Variants in KCNQ5 observed in about 807,000 individuals in gnomAD.
KCNQ5 encodes the protein potassium voltage-gated channel subfamily KQT member 5.
KCNQ5 carries 30 observed loss-of-function variants against 98.2 expected under a neutral mutation model. The observed-to-expected ratio is 0.31, with a 90% CI of 0.23 to 0.41. The LOEUF is 0.41. KCNQ5 is among the 10% of genes least tolerant of loss of function. KCNQ5 has a pLI of 1.00. For missense variants in KCNQ5, 835 were observed against 1,182.5 expected (o/e 0.71, Z 4.31); for synonymous variants, 458 against 449.4 (o/e 1.02, Z -0.24).
chr6:73,146,142 T>G (rs1194232991), intron 10 of KCNQ5, among the ~76,000 whole-genome samples: 2 of 152,240 alleles, frequency 1.3e-5, no homozygotes, highest in African/African-American at 4.8e-5. Context: ...AGATTTGTGA[T>G]TCTGCAATTT....
chr6:72,864,515 A>G lies in KCNQ5; in HGVS notation c.399-139393A>G, dbSNP rs73753203. The stretch of plus-strand genomic sequence containing the variant: ...TTATCTCATTTTCCCCCACTGTGGA[A>G]TTAGCCTGGTTATTGGCAAAACACT... On this transcript the variant is annotated intron_variant, in intron 1 of 13. Transcript: ENST00000370398. Among the ~76,000 whole-genome samples the G allele has an allele frequency of 2.5e-3, 376 of 152,318 alleles. 2 individuals are homozygous for G. Among genetic ancestry groups the G allele is most frequent in the African/African-American group, 8.4e-3 (351 of 41,580 alleles).
At chr6:72,801,673 C>T (rs6939984) in intron 1 of KCNQ5, among the ~76,000 whole-genome samples, 105,014 of 143,424 alleles carry the variant, frequency 0.73, 39,533 homozygotes, top group African/African-American at 0.92. Context: ...GTCATTATGA[C>T]GTTAGCTGGT....
chr6:72,701,341 A>T (rs1012141407), intron 1 of KCNQ5, among the ~76,000 whole-genome samples: 6 of 152,202 alleles, frequency 3.9e-5, no homozygotes, highest in African/African-American at 7.2e-5. Context: ...AACAAACTCC[A>T]CTTGGTTTAA....
chr6:72,841,942 GT>G (rs1423233837), intron 1 of KCNQ5, among the ~76,000 whole-genome samples: 1 of 152,178 alleles, frequency 6.6e-6, no homozygotes, highest in Non-Finnish European at 1.5e-5. Flanking sequence ...ATGAATCTTG[GT>G]TGTCAAGGGG....
intron 1 of KCNQ5, among the ~76,000 whole-genome samples, chr6:72,939,526 C>G (rs2150237721): frequency 6.6e-6 from 1 of 152,316 alleles, no homozygotes; most frequent in Non-Finnish European, 1.5e-5. Context: ...ACAAACAGGT[C>G]CTCCTTGGAG....
intron 2 of KCNQ5, among the ~76,000 whole-genome samples, chr6:73,031,609 A>G (rs1158233996): frequency 6.6e-6 from 1 of 152,238 alleles, no homozygotes; most frequent in Non-Finnish European, 1.5e-5. Flanking sequence ...ACCAGCACTC[A>G]GCAGAATTTC....
chr6:73,139,483 G>A (rs1417366308), intron 10 of KCNQ5, among the ~76,000 whole-genome samples: 1 of 152,148 alleles, frequency 6.6e-6, no homozygotes, highest in Non-Finnish European at 1.5e-5. Context: ...GTGAGGGTAA[G>A]GAGTCAGCAT....
chr6:72,803,683 G>T (rs1475203611), intron 1 of KCNQ5, among the ~76,000 whole-genome samples: 1 of 152,104 alleles, frequency 6.6e-6, no homozygotes, highest in Non-Finnish European at 1.5e-5. Flanking sequence ...CATCACCCTA[G>T]AAAGTATTAG....
intron 5 of KCNQ5, among the ~76,000 whole-genome samples, chr6:73,079,063 A>T (rs1773654078): frequency 6.6e-6 from 1 of 152,170 alleles, no homozygotes; most frequent in African/African-American, 2.4e-5. Flanking sequence ...GCACTTTGGG[A>T]GGCTAAGGCG....
chr6:72,735,362 T>G (rs1378065979), intron 1 of KCNQ5, among the ~76,000 whole-genome samples: 1 of 152,202 alleles, frequency 6.6e-6, no homozygotes, highest in Non-Finnish European at 1.5e-5. Context: ...TTGAAGACAT[T>G]ATTTGCATTT....
intron 1 of KCNQ5, chr6:72,986,261 A>C (rs1768771132): frequency 4.4e-6 from 1 of 229,864 alleles, no homozygotes; most frequent in African/African-American, 2.3e-5. Flanking sequence ...GAACATATAC[A>C]CCACGGAATA....
chr6:72,797,435 G>T (rs1377676719), intron 1 of KCNQ5, among the ~76,000 whole-genome samples: 2 of 150,888 alleles, frequency 1.3e-5, no homozygotes, highest in African/African-American at 4.9e-5. Flanking sequence ...AGCCCAGGAG[G>T]TCAAGGTTGC....
At chr6:72,623,752 T>C (rs2098916742) in intron 1 of KCNQ5, among the ~76,000 whole-genome samples, 1 of 152,192 alleles carries the variant, frequency 6.6e-6, no homozygotes, top group Non-Finnish European at 1.5e-5. Flanking sequence ...GTAGAGAAAG[T>C]TGCAGATACT....
At chr6:73,148,141 T>G (rs1226821272) in intron 10 of KCNQ5, among the ~76,000 whole-genome samples, 1 of 152,204 alleles carries the variant, frequency 6.6e-6, no homozygotes, top group Non-Finnish European at 1.5e-5. Flanking sequence ...TAATTGTTTT[T>G]GAAAACTCTC....
chr6:73,195,343 T>C lies in KCNQ5; in HGVS notation c.2728T>C (p.Ser910Pro). ...CTCTCTAAGGACTGGAAGGTCACGA[T>C]CATCTCAGAGCATTTGTAAGGCAGG... is the stretch of plus-strand genomic sequence containing the variant. ...SDSLRTGRSR[S>P]SQSICKAGES... is the part of the protein sequence containing the mutation. Residue 910 changes from serine to proline, a missense_variant, in exon 14 of 14, where the codon TCA becomes CCA. Ser to Pro is a moderately conservative substitution (Grantham distance 74). Around this residue, in one of 10 missense-constraint regions of KCNQ5, gnomAD observed 416 missense variants for 446.9 expected, o/e 0.93. Transcript: ENST00000370398. 1 of 1,614,222 alleles carries C rather than the reference T, an allele frequency of 6.2e-7. No homozygotes were observed. Among genetic ancestry groups the C allele is most frequent in the Non-Finnish European group, 8.5e-7 (1 of 1,180,044 alleles).
chr6:72,801,010 T>A (rs1774619794), intron 1 of KCNQ5, among the ~76,000 whole-genome samples: 1 of 152,082 alleles, frequency 6.6e-6, no homozygotes, highest in Non-Finnish European at 1.5e-5. Context: ...ATAATTTCTG[T>A]TCTTTTACAT....
chr6:72,820,078 C>CA (rs1323162228), intron 1 of KCNQ5, among the ~76,000 whole-genome samples: 3 of 152,124 alleles, frequency 2.0e-5, no homozygotes. Context: ...TCCATTGTAC[C>CA]AGTGTAGGCC....
intron 1 of KCNQ5, among the ~76,000 whole-genome samples, chr6:72,959,160 A>G (rs1287786906): frequency 6.6e-6 from 1 of 152,236 alleles, no homozygotes; most frequent in Non-Finnish European, 1.5e-5. Context: ...ATATGCATCA[A>G]TAAGCAGAAT....
Position 73,195,140 on chromosome 6 carries a change from T to C in KCNQ5, c.2525T>C (p.Leu842Pro). 6.2e-7 allele frequency: 1 copy of C among 1,614,216 alleles called. No homozygotes were observed. The highest frequency in any genetic ancestry group is 8.5e-7 in the Non-Finnish European group (1 of 1,180,038). Residue 842 changes from leucine to proline, a missense_variant, in exon 14 of 14, where the codon CTG becomes CCG. Physicochemically the swap from Leu to Pro is moderately conservative, Grantham distance 98 (BLOSUM62 -3). Around this residue, in one of 10 missense-constraint regions of KCNQ5, gnomAD observed 416 missense variants for 446.9 expected, o/e 0.93. Transcript: ENST00000370398. ...AACCTGATCAGGTCGACCGAGGAAC[T>C]GAATATACAACTTTCAGGGAGTGAG... Reference protein sequence around the residue: ...VQNLIRSTEELNIQLSGSESS... With the variant: ...VQNLIRSTEEPNIQLSGSESS...
Sources: allele counts gnomAD v4.1 joint callset (sites outside exome capture counted in the v4.1 genomes callset), GRCh38; gene constraint gnomAD v4.1.1; regional missense constraint gnomAD v4.1.1; transcripts MANE v1.5; gene names NCBI Gene and HGNC (gene_info 2026-07-23, HGNC 2026-07-21).